The following PARVA variants were observed in gnomAD, a reference collection of about 807,000 sequenced individuals.
PARVA encodes the protein alpha-parvin.
Under a neutral mutation model 52.6 loss-of-function variants are expected in PARVA, and 25 were observed. That is an observed-to-expected ratio of 0.48 (90% confidence interval 0.35 to 0.66). The LOEUF (loss-of-function observed/expected upper bound fraction) is 0.66, where lower values mean the gene tolerates loss of function less well. Ranked by LOEUF, PARVA falls within the 30% of genes least tolerant of loss-of-function variation. The pLI is 0.01. For missense variants in PARVA, 373 were observed against 450.9 expected (o/e 0.83, Z 1.56); for synonymous variants, 185 against 179.1 (o/e 1.03, Z -0.26).
chr11:12,461,282 A>G (rs1006588716), intron 1 of PARVA, among the ~76,000 whole-genome samples: 1 of 152,138 alleles, frequency 6.6e-6, no homozygotes, highest in African/African-American at 2.4e-5. Flanking sequence ...GGCTTATTGT[A>G]TCTACATTTC....
chr11:12,523,618 T>TTG (rs1554903864), intron 12 of PARVA, among the ~76,000 whole-genome samples: 1 of 152,196 alleles, frequency 6.6e-6, no homozygotes, highest in African/African-American at 2.4e-5. Flanking sequence ...CTAATACCTC[T>TTG]GGGGGGGAGG....
intron 3 of PARVA, among the ~76,000 whole-genome samples, chr11:12,475,750 G>A (rs1033028028): frequency 2.0e-5 from 3 of 152,216 alleles, no homozygotes; most frequent in Non-Finnish European, 4.4e-5. Flanking sequence ...GGCAGCCTTG[G>A]CTAGGCCGCC....
At chr11:12,425,434 T>C (rs1403086469) in intron 1 of PARVA, among the ~76,000 whole-genome samples, 1 of 152,208 alleles carries the variant, frequency 6.6e-6, no homozygotes, top group East Asian at 1.9e-4. Flanking sequence ...GTCAGTCTTC[T>C]AGTTGCACCC....
At chr11:12,443,780 A>G (rs1044744359) in intron 1 of PARVA, among the ~76,000 whole-genome samples, 3 of 152,140 alleles carry the variant, frequency 2.0e-5, no homozygotes, top group African/African-American at 7.2e-5. Flanking sequence ...CCCTTAGGCA[A>G]TATGGCCACC....
At chr11:12,401,519 G>A (rs1476336445) in intron 1 of PARVA, among the ~76,000 whole-genome samples, 1 of 152,206 alleles carries the variant, frequency 6.6e-6, no homozygotes, top group Non-Finnish European at 1.5e-5. Flanking sequence ...AGACAATGGA[G>A]CATGCTGGTG....
At chr11:12,476,201 A>C (rs1941011950) in intron 3 of PARVA, among the ~76,000 whole-genome samples, 1 of 152,146 alleles carries the variant, frequency 6.6e-6, no homozygotes, top group East Asian at 1.9e-4. Flanking sequence ...GGAGATGCAC[A>C]TAGGCCTGAG....
At chr11:12,446,214 T>C (rs934190999) in intron 1 of PARVA, among the ~76,000 whole-genome samples, 2 of 152,224 alleles carry the variant, frequency 1.3e-5, no homozygotes, top group Admixed American at 1.3e-4. Flanking sequence ...AAGACTTCAT[T>C]GGACAGATGG....
intron 3 of PARVA, among the ~76,000 whole-genome samples, chr11:12,474,240 G>T (rs1430025393): frequency 1.3e-5 from 2 of 152,068 alleles, no homozygotes; most frequent in African/African-American, 4.8e-5. Context: ...GCTCACGATG[G>T]CCAGGATTCC....
rs115193635 is a variant in PARVA at position 12,512,259 on chromosome 11, G to C, written c.736+726G>C. On this transcript the variant is annotated intron_variant, in intron 8 of 12. Transcript: ENST00000334956. ...TGCATGAACACAAGGACTGTCCCCT[G>C]TCCCCACTCTGTCCTTCTAGAGACT... 6.8e-3 allele frequency among the ~76,000 whole-genome samples: 1,031 copies of C among 152,310 alleles called. 8 individuals carry two copies. Among genetic ancestry groups the C allele is most frequent in the African/African-American group, 0.023 (965 of 41,560 alleles).
intron 12 of PARVA, among the ~76,000 whole-genome samples, chr11:12,525,596 G>A (rs1404902047): frequency 6.6e-6 from 1 of 152,124 alleles, no homozygotes; most frequent in African/African-American, 2.4e-5. Context: ...AAGCAGTCAG[G>A]GGAGGACAGG....
intron 4 of PARVA, chr11:12,480,078 G>A (rs767240153): frequency 1.3e-5 from 2 of 152,090 alleles, no homozygotes; most frequent in Non-Finnish European, 2.9e-5. Context: ...ACAAAAATTA[G>A]CCGGGCATGG....
intron 1 of PARVA, chr11:12,398,153 A>G (rs1026396186): frequency 6.6e-6 from 1 of 152,060 alleles, no homozygotes; most frequent in Non-Finnish European, 1.5e-5. Context: ...AGGAGCAGAC[A>G]CCCAAATGAT....
At chr11:12,489,189 A>T (rs1941200916) in intron 4 of PARVA, among the ~76,000 whole-genome samples, 1 of 151,942 alleles carries the variant, frequency 6.6e-6, no homozygotes, top group Non-Finnish European at 1.5e-5. Context: ...AAAGAAAAAA[A>T]GTGTTCAGTT....
In PARVA at chr11:12,504,330, C is replaced by T. The variant is rs779082354; in HGVS notation, c.558C>T (p.Ser186=). 1.9e-6 allele frequency: 3 copies of T among 1,609,188 alleles called. No homozygotes were observed. The highest frequency in any genetic ancestry group is 1.7e-6 in the Non-Finnish European group (2 of 1,175,618). The change falls in exon 6 of 13, where the codon AGC becomes AGT. Residue 186 remains serine (S), a synonymous_variant. Transcript: ENST00000334956. ...KWNVDSVHAK[S]LVAILHLLVA... ...TCATTTCAGCTGTTCATGCCAAGAG[C>T]CTGGTGGCCATCTTACACCTGCTCG...
At chr11:12,447,481 A>G (rs7119987) in intron 1 of PARVA, among the ~76,000 whole-genome samples, 125,492 of 152,134 alleles carry the variant, frequency 0.82, 53,546 homozygotes, top group Middle Eastern at 0.93. Flanking sequence ...ATATGGTCCC[A>G]GTCAGTATGG....
intron 1 of PARVA, among the ~76,000 whole-genome samples, chr11:12,422,351 G>A (rs527395274): frequency 6.6e-6 from 1 of 152,168 alleles, no homozygotes; most frequent in South Asian, 2.1e-4. Context: ...TCAAGATATA[G>A]TCCCTAAAGA....
At chr11:12,510,672 C>CA (rs1380087725) in intron 7 of PARVA, among the ~76,000 whole-genome samples, 4 of 152,102 alleles carry the variant, frequency 2.6e-5, no homozygotes, top group African/African-American at 7.2e-5. Context: ...ATGGTGGTGG[C>CA]AGAGAAAATG....
intron 1 of PARVA, among the ~76,000 whole-genome samples, chr11:12,443,169 CTTTTTTTTTTT>C (rs1180380526): frequency 1.3e-5 from 1 of 78,328 alleles, no homozygotes; most frequent in Non-Finnish European, 2.3e-5. Context: ...CGCCCCCCTT[CTTTTTTTTTTT>C]TTTTTTTTTT....
chr11:12,425,383 C>T (rs1176526399), intron 1 of PARVA, among the ~76,000 whole-genome samples: 2 of 152,080 alleles, frequency 1.3e-5, no homozygotes, highest in Non-Finnish European at 2.9e-5. Flanking sequence ...TCCTCAAGGC[C>T]TTCCCTCACC....
Sources: gnomAD v4.1 joint callset for allele counts (sites outside exome capture counted in the v4.1 genomes callset) on GRCh38, gnomAD v4.1.1 for gene constraint, MANE v1.5 for transcripts, NCBI Gene and HGNC (gene_info 2026-07-23, HGNC 2026-07-21) for gene names.